FARS2: variants seen among roughly 807,000 people sequenced by gnomAD.
The protein encoded by FARS2 is phenylalanine--tRNA ligase, mitochondrial.
Under a neutral mutation model 46.4 loss-of-function variants are expected in FARS2, and 40 were observed. The ratio of observed to expected loss-of-function variants is 0.86; its 90% CI spans 0.67 to 1.12. The LOEUF is 1.12. Among genes scored for constraint, FARS2 ranks in the 50% most tolerant of loss-of-function variants. FARS2 has a pLI of 0.00. For missense variants in FARS2, 513 were observed against 567.9 expected (o/e 0.90, Z 0.98); for synonymous variants, 234 against 214.9 (o/e 1.09, Z -0.78).
intron 1 of FARS2, among the ~76,000 whole-genome samples, chr6:5,270,208 T>C (rs2127822980): frequency 6.6e-6 from 1 of 152,364 alleles, no homozygotes; most frequent in East Asian, 1.9e-4. Context: ...CTTTCTTTCC[T>C]GTTTCTTGAC....
At chr6:5,627,803 A>G (rs1776108331) in intron 6 of FARS2, among the ~76,000 whole-genome samples, 1 of 152,244 alleles carries the variant, frequency 6.6e-6, no homozygotes, top group Non-Finnish European at 1.5e-5. Flanking sequence ...TAACTAACCT[A>G]ACTTGATATA....
chr6:5,618,704 A>G (rs1287934139), intron 6 of FARS2, among the ~76,000 whole-genome samples: 1 of 152,240 alleles, frequency 6.6e-6, no homozygotes, highest in Non-Finnish European at 1.5e-5. Context: ...CCAGTCATTT[A>G]GAACCTTCTC....
At chr6:5,396,114 T>C (rs189394010) in intron 2 of FARS2, among the ~76,000 whole-genome samples, 1 of 152,316 alleles carries the variant, frequency 6.6e-6, no homozygotes, top group East Asian at 1.9e-4. Context: ...TAAAGAATAA[T>C]GTTCATGAAA....
At chr6:5,548,046 C>T (rs1460808050) in intron 5 of FARS2, among the ~76,000 whole-genome samples, 6 of 152,156 alleles carry the variant, frequency 3.9e-5, no homozygotes, top group Non-Finnish European at 5.9e-5. Flanking sequence ...GGGCGAAAGG[C>T]ACTTCTTACA....
At chr6:5,533,578 A>T (rs74665302) in intron 4 of FARS2, among the ~76,000 whole-genome samples, 87 of 152,316 alleles carry the variant, frequency 5.7e-4, no homozygotes, top group African/African-American at 2.1e-3. Flanking sequence ...TGCTGCCCTC[A>T]TGCACTGCAG....
At chr6:5,467,647 T>C (rs1765583391) in intron 4 of FARS2, among the ~76,000 whole-genome samples, 1 of 152,198 alleles carries the variant, frequency 6.6e-6, no homozygotes, top group Non-Finnish European at 1.5e-5. Flanking sequence ...GCTTCCACTC[T>C]CTTCTGTGGA....
intron 4 of FARS2, among the ~76,000 whole-genome samples, chr6:5,526,377 G>T (rs750023116): frequency 6.6e-6 from 1 of 152,188 alleles, no homozygotes; most frequent in Non-Finnish European, 1.5e-5. Context: ...CTAGTAAAAA[G>T]TATTTCATTA....
At chr6:5,339,455 G>T (rs1327224490) in intron 1 of FARS2, among the ~76,000 whole-genome samples, 1 of 150,486 alleles carries the variant, frequency 6.6e-6, no homozygotes, top group African/African-American at 2.4e-5. Context: ...TTGAGACGGA[G>T]TCTCACCTTG....
intron 6 of FARS2, among the ~76,000 whole-genome samples, chr6:5,626,434 C>T (rs1469054054): frequency 6.6e-6 from 1 of 152,138 alleles, no homozygotes; most frequent in Non-Finnish European, 1.5e-5. Context: ...TCCCATTGGG[C>T]CCCCAGGGGA....
intron 1 of FARS2, among the ~76,000 whole-genome samples, chr6:5,323,465 C>T (rs1380390967): frequency 6.6e-6 from 1 of 152,142 alleles, no homozygotes; most frequent in African/African-American, 2.4e-5. Flanking sequence ...TCGAGAGATG[C>T]TGAAAAAACC....
intron 1 of FARS2, among the ~76,000 whole-genome samples, chr6:5,367,264 A>ATGAT (rs1758744013): frequency 6.6e-6 from 1 of 152,240 alleles, no homozygotes; most frequent in Non-Finnish European, 1.5e-5. Context: ...TTTTCTTGGT[A>ATGAT]TGATTGCACG....
chr6:5,538,649 A>T lies in FARS2; in HGVS notation c.905-6531A>T, dbSNP rs181965371. On this transcript the variant is annotated intron_variant, in intron 4 of 6. Coordinates refer to ENST00000274680, the MANE Select transcript of FARS2 (RefSeq NM_006567.5). ...ATTTATTTCCTGAAGCCTCCTACAG[A>T]AAACTATATGATAGAGTGGTCACGT... 2.6e-4 allele frequency among the ~76,000 whole-genome samples: 40 copies of T among 152,328 alleles called. 1 individual carries two copies. The highest frequency in any genetic ancestry group is 2.4e-3 in the Admixed American group (36 of 15,296).
chr6:5,410,830 C>T (rs1050204389), intron 3 of FARS2, among the ~76,000 whole-genome samples: 64 of 152,202 alleles, frequency 4.2e-4, no homozygotes, highest in African/African-American at 1.5e-3. Context: ...AATGGAATCA[C>T]ATCAAAAATT....
intron 5 of FARS2, among the ~76,000 whole-genome samples, chr6:5,547,061 C>T (rs190609940): frequency 8.4e-4 from 128 of 152,166 alleles, no homozygotes; most frequent in South Asian, 4.2e-3. Flanking sequence ...AAGCAATTCT[C>T]CCACCTCAGC....
intron 1 of FARS2, among the ~76,000 whole-genome samples, chr6:5,338,508 G>C (rs1771320098): frequency 6.6e-6 from 1 of 152,094 alleles, no homozygotes; most frequent in East Asian, 1.9e-4. Flanking sequence ...CCTTGTCCAG[G>C]TTGCCTTGAC....
At chr6:5,693,493 T>C (rs754506116) in intron 6 of FARS2, among the ~76,000 whole-genome samples, 1 of 152,252 alleles carries the variant, frequency 6.6e-6, no homozygotes, top group Non-Finnish European at 1.5e-5. Context: ...GCAGAAGTTT[T>C]GCACTGCTTT....
At chr6:5,264,123 T>C (rs1202332352) in intron 1 of FARS2, among the ~76,000 whole-genome samples, 1 of 152,134 alleles carries the variant, frequency 6.6e-6, no homozygotes, top group East Asian at 1.9e-4. Context: ...GGCATGTGCC[T>C]GTAGTCCCAG....
intron 1 of FARS2, among the ~76,000 whole-genome samples, chr6:5,270,481 G>A (rs1318886726): frequency 1.3e-5 from 2 of 152,234 alleles, no homozygotes; most frequent in South Asian, 2.1e-4. Flanking sequence ...CTGTCAAGCT[G>A]TCTGGATGCC....
chr6:5,294,750 G>A (rs868717438), intron 1 of FARS2, among the ~76,000 whole-genome samples: 1 of 152,186 alleles, frequency 6.6e-6, no homozygotes, highest in African/African-American at 2.4e-5. Context: ...AGGGGAAGGG[G>A]TGTGGAGCTT....
Sources: gnomAD v4.1 joint callset for allele counts (sites outside exome capture counted in the v4.1 genomes callset) on GRCh38, gnomAD v4.1.1 for gene constraint, MANE v1.5 for transcripts, NCBI Gene and HGNC (gene_info 2026-07-23, HGNC 2026-07-21) for gene names.